The following RP1 variants were observed in gnomAD, a reference collection of about 807,000 sequenced individuals.
The protein encoded by RP1 is oxygen-regulated protein 1.
Under a neutral mutation model 14.8 loss-of-function variants are expected in RP1, and 16 were observed. The ratio of observed to expected loss-of-function variants is 1.08; its 90% confidence interval spans 0.73 to 1.65. The LOEUF (loss-of-function observed/expected upper bound fraction) is 1.65. Among genes scored for constraint, RP1 ranks in the 40% most tolerant of loss-of-function variants. The pLI, the probability that RP1 is intolerant of heterozygous loss-of-function variation, is 0.00. For synonymous variants in RP1, 876 were observed against 883.6 expected, an observed-to-expected ratio of 0.99 and a Z score of 0.15; for missense variants, 2,631 against 2,535.0, an observed-to-expected ratio of 1.04 and a Z score of -0.81.
chr8:54,584,269 A>G (rs1272142559), intron 1 of RP1, among the ~76,000 whole-genome samples: 1 of 152,236 alleles, frequency 6.6e-6, no homozygotes, highest in Non-Finnish European at 1.5e-5. Context: ...CCCAGTAGTC[A>G]TTCAGGAGCA....
chr8:54,844,627 T>C (rs1013284595), intron 25 of RP1, among the ~76,000 whole-genome samples: 1 of 152,214 alleles, frequency 6.6e-6, no homozygotes, highest in Non-Finnish European at 1.5e-5. Context: ...TAGACATGCT[T>C]GCATACATGT....
At chr8:54,842,594 G>C (rs1323952597) in intron 25 of RP1, among the ~76,000 whole-genome samples, 2 of 152,072 alleles carry the variant, frequency 1.3e-5, no homozygotes, top group Non-Finnish European at 2.9e-5. Flanking sequence ...GTTATCATGG[G>C]AACACTGGTA....
chr8:54,662,284 G>GTTAAT lies in RP1; in HGVS notation c.1172-1412_1172-1411insATTTA, dbSNP rs1806917838. ...ATAGTTGACTACTGGTTAATTTCAG[G>GTTAAT]TTATAAATCCTAACCTGTCTTCTGT... is the stretch of plus-strand genomic sequence containing the variant. On this transcript the variant is annotated intron_variant, in intron 6 of 22. Transcript: ENST00000636932. 2.0e-5 allele frequency among the ~76,000 whole-genome samples: 3 copies of GTTAAT among 152,216 alleles called. No homozygotes were observed. The East Asian group carries it at 5.8e-4, about 29-fold the overall frequency.
intron 19 of RP1, among the ~76,000 whole-genome samples, chr8:54,749,266 G>A (rs1197535856): frequency 6.6e-6 from 1 of 151,840 alleles, no homozygotes; most frequent in Non-Finnish European, 1.5e-5. Context: ...GGGAGGCGGA[G>A]TTTGCAGTGA....
chr8:54,766,354 T>C (rs1809760616), intron 22 of RP1, among the ~76,000 whole-genome samples: 1 of 152,136 alleles, frequency 6.6e-6, no homozygotes, highest in African/African-American at 2.4e-5. Context: ...ATCATTTAAC[T>C]TTACTGATTT....
At chr8:54,690,735 G>A (rs1308284116) in intron 12 of RP1, among the ~76,000 whole-genome samples, 1 of 151,848 alleles carries the variant, frequency 6.6e-6, no homozygotes, top group Non-Finnish European at 1.5e-5. Flanking sequence ...AGCAAATCAG[G>A]GCTATTTGTA....
In RP1 at chr8:54,629,308, C is replaced by T. The variant is rs778998482; in HGVS notation, c.5426C>T (p.Thr1809Ile). 1 of 1,613,820 alleles carries T rather than the reference C, an allele frequency of 6.2e-7. No individual in the cohort carries two copies. Among genetic ancestry groups the T allele is most frequent in the East Asian group, 2.2e-5 (1 of 44,846 alleles). ...TCCTCTTCAGAACTCGAGGAACTGA[C>T]TCAACCCCTTGAACTAAAATGCAAT... ...ELSSSELEEL[T>I]QPLELKCNYF... is the part of the protein sequence containing the mutation. The change falls in exon 4 of 4, where the codon ACT (threonine) becomes ATT (isoleucine). Residue 1809 changes from threonine (T) to isoleucine (I), a missense_variant. Physicochemically the swap from Thr to Ile is moderately conservative, Grantham distance 89 (BLOSUM62 -1). Transcript: ENST00000220676.
intron 1 of RP1, among the ~76,000 whole-genome samples, chr8:54,561,523 T>TG (rs35986463): frequency 0.81 from 122,810 of 152,108 alleles, 50,311 homozygotes; most frequent in Non-Finnish European, 0.89. Flanking sequence ...TTACCATGGT[T>TG]GAAGGATTCC....
intron 16 of RP1, among the ~76,000 whole-genome samples, chr8:54,726,153 A>C (rs570693583): frequency 6.6e-6 from 1 of 152,322 alleles, no homozygotes; most frequent in East Asian, 1.9e-4. Context: ...GATGCCACCC[A>C]TGCACAGCCT....
intron 24 of RP1, among the ~76,000 whole-genome samples, chr8:54,789,715 C>T (rs148029576): frequency 2.6e-5 from 4 of 152,174 alleles, no homozygotes; most frequent in South Asian, 2.1e-4. Flanking sequence ...CCCACCTAAT[C>T]GTGGAGTGCA....
intron 12 of RP1, among the ~76,000 whole-genome samples, chr8:54,687,132 A>G (rs1807582493): frequency 6.6e-6 from 1 of 152,076 alleles, no homozygotes; most frequent in Non-Finnish European, 1.5e-5. Flanking sequence ...CTCAATTCCT[A>G]GAAAGAATCA....
chr8:54,656,431 A>G (rs114940884), intron 6 of RP1, among the ~76,000 whole-genome samples: 152 of 152,212 alleles, frequency 1.0e-3, no homozygotes, highest in African/African-American at 3.5e-3. Flanking sequence ...GCCCTATAGG[A>G]AGGTTGGCTG....
intron 6 of RP1, among the ~76,000 whole-genome samples, chr8:54,661,236 A>T (rs1806885870): frequency 6.8e-6 from 1 of 147,026 alleles, no homozygotes; most frequent in Non-Finnish European, 1.5e-5. Flanking sequence ...GATATATATA[A>T]TATATACATA....
intron 12 of RP1, among the ~76,000 whole-genome samples, chr8:54,683,574 G>A (rs1412025841): frequency 1.3e-5 from 2 of 152,104 alleles, no homozygotes; most frequent in African/African-American, 4.8e-5. Context: ...AATCGTGAAT[G>A]GGAGTTCATT....
At chr8:54,727,165 A>T (rs1183491095) in intron 17 of RP1, among the ~76,000 whole-genome samples, 1 of 152,156 alleles carries the variant, frequency 6.6e-6, no homozygotes, top group Admixed American at 6.5e-5. Flanking sequence ...TCTTTTAGAT[A>T]GTAATATAAT....
intron 15 of RP1, among the ~76,000 whole-genome samples, chr8:54,713,238 A>T (rs1808330828): frequency 6.6e-6 from 1 of 152,206 alleles, no homozygotes; most frequent in East Asian, 1.9e-4. Flanking sequence ...TTACCATGAA[A>T]TTTTTATCTT....
At position 54,607,484 on chromosome 8, in the gene RP1, G is replaced by A. The variant is rs532362368; in HGVS notation, c.-12-13471G>A. On this transcript the variant is annotated intron_variant, in intron 1 of 22. Coordinates refer to the RP1 transcript ENST00000636932. ...GGGGTGCCTCCCAGTTAGGCTACTC[G>A]GGGGTCAGGGACCCACTTGAGGAGG... Among the ~76,000 whole-genome samples the A allele has an allele frequency of 6.7e-3, 1,014 of 152,240 alleles. 4 individuals carry two copies. The highest frequency in any genetic ancestry group is 9.3e-3 in the Non-Finnish European group (635 of 68,004).
intron 4 of RP1, chr8:54,652,665 C>A (rs919164769): frequency 4.3e-6 from 3 of 690,010 alleles, no homozygotes; most frequent in Admixed American, 2.3e-5. Flanking sequence ...GTTTATAATT[C>A]TTATGTCTTC....
At chr8:54,594,037 G>C (rs1007331494) in intron 1 of RP1, among the ~76,000 whole-genome samples, 7 of 150,330 alleles carry the variant, frequency 4.7e-5, no homozygotes, top group African/African-American at 1.7e-4. Context: ...CCAGGAACTT[G>C]GTTCTTCTTG....
Sources: gnomAD v4.1 joint callset for allele counts (sites outside exome capture counted in the v4.1 genomes callset) on GRCh38, gnomAD v4.1.1 for gene constraint, MANE v1.5 for transcripts, NCBI Gene and HGNC (gene_info 2026-07-23, HGNC 2026-07-21) for gene names.